The following GALNT7 variants were observed in gnomAD, a reference collection of about 807,000 sequenced individuals.
GALNT7 encodes the protein polypeptide N-acetylgalactosaminyltransferase 7.
GALNT7 carries 60 observed loss-of-function variants against 82.1 expected under a neutral mutation model. That is an observed-to-expected ratio of 0.73 (90% CI 0.59 to 0.91). GALNT7 has a LOEUF of 0.91. Ranked by LOEUF, GALNT7 falls within the 40% of genes least tolerant of loss-of-function variation. The pLI is 0.00. For missense variants in GALNT7, 660 were observed against 804.2 expected (o/e 0.82, Z 2.17); for synonymous variants, 243 against 275.1 (o/e 0.88, Z 1.15).
intron 1 of GALNT7, among the ~76,000 whole-genome samples, chr4:173,198,661 A>G (rs1311296790): frequency 6.6e-6 from 1 of 152,196 alleles, no homozygotes; most frequent in Non-Finnish European, 1.5e-5. Context: ...TGAAAACAAA[A>G]TCTTTATTTA....
chr4:173,176,263 A>T (rs1410181302), intron 1 of GALNT7, among the ~76,000 whole-genome samples: 1 of 152,126 alleles, frequency 6.6e-6, no homozygotes, highest in Non-Finnish European at 1.5e-5. Context: ...ATGAGGCTGG[A>T]GTATTTGAAG....
At chr4:173,287,597 C>T (rs949292887) in intron 2 of GALNT7, among the ~76,000 whole-genome samples, 8 of 152,242 alleles carry the variant, frequency 5.3e-5, no homozygotes, top group Non-Finnish European at 1.0e-4. Flanking sequence ...CCTTCACCCC[C>T]TTCCTCCCGT....
chr4:173,191,785 T>C (rs1732638069), intron 1 of GALNT7, among the ~76,000 whole-genome samples: 1 of 152,232 alleles, frequency 6.6e-6, no homozygotes, highest in African/African-American at 2.4e-5. Context: ...GAATCTATTA[T>C]TCATGAGTTT....
intron 1 of GALNT7, among the ~76,000 whole-genome samples, chr4:173,220,747 C>T (rs558242375): frequency 1.8e-4 from 27 of 148,730 alleles, no homozygotes; most frequent in African/African-American, 6.2e-4. Context: ...TGAGAATATG[C>T]GGTGTTTGGT....
At chr4:173,301,647 C>T (rs1025240690) in intron 6 of GALNT7, among the ~76,000 whole-genome samples, 3 of 152,174 alleles carry the variant, frequency 2.0e-5, no homozygotes, top group East Asian at 1.9e-4. Context: ...GTTTTGTTCA[C>T]CCAAGAATGA....
chr4:173,309,417 G>GT (rs1174652618), intron 8 of GALNT7, among the ~76,000 whole-genome samples: 28 of 152,322 alleles, frequency 1.8e-4, no homozygotes, highest in African/African-American at 6.5e-4. Context: ...ATCCAGCCAT[G>GT]TTGGGGTCTC....
intron 3 of GALNT7, among the ~76,000 whole-genome samples, chr4:173,294,753 A>G (rs1191453266): frequency 6.6e-6 from 1 of 152,190 alleles, no homozygotes; most frequent in Admixed American, 6.5e-5. Context: ...AACTTCCTCT[A>G]CTAAATTACA....
intron 2 of GALNT7, among the ~76,000 whole-genome samples, chr4:173,270,892 G>T (rs1025197923): frequency 2.0e-5 from 3 of 152,162 alleles, no homozygotes; most frequent in Non-Finnish European, 4.4e-5. Flanking sequence ...TGCATTCTGT[G>T]CAGGCTCCTG....
chr4:173,276,734 A>G (rs935718362), intron 2 of GALNT7, among the ~76,000 whole-genome samples: 2 of 152,164 alleles, frequency 1.3e-5, no homozygotes, highest in African/African-American at 4.8e-5. Context: ...ATTAAAACAG[A>G]TTCTGTGTTT....
rs553146989 is a variant in GALNT7, at chr4:173,173,480, C to T, written c.126+4519C>T. On this transcript the variant is annotated intron_variant, in intron 1 of 11. Transcript: ENST00000265000. ...GATCCATTAAAACAGCAGTCCCCCACCTTTTTAGCACCAGGGACTGGTTTT... is the reference window on the plus strand; with the variant it reads ...GATCCATTAAAACAGCAGTCCCCCATCTTTTTAGCACCAGGGACTGGTTTT... Among the ~76,000 whole-genome samples, 5 of 152,292 alleles carry T rather than the reference C, an allele frequency of 3.3e-5. No homozygotes were observed. In the South Asian group the frequency reaches 8.3e-4, roughly 25 times the overall value.
chr4:173,185,413 C>CA (rs33996293), intron 1 of GALNT7, among the ~76,000 whole-genome samples: 99,142 of 142,050 alleles, frequency 0.7, 34,829 homozygotes, highest in East Asian at 0.81. Flanking sequence ...CAATGAATCT[C>CA]AAAAAAAAAA....
chr4:173,308,263 C>A (rs780611935), intron 8 of GALNT7, among the ~76,000 whole-genome samples: 1 of 152,148 alleles, frequency 6.6e-6, no homozygotes, highest in Middle Eastern at 3.2e-3. Context: ...ACTTTGCCAT[C>A]TTGGTGACCT....
intron 5 of GALNT7, among the ~76,000 whole-genome samples, chr4:173,297,561 T>C (rs1351747663): frequency 1.3e-5 from 2 of 152,210 alleles, no homozygotes; most frequent in African/African-American, 4.8e-5. Context: ...CTCAGTGATA[T>C]AGTTCTTTGT....
intron 1 of GALNT7, among the ~76,000 whole-genome samples, chr4:173,236,053 CAGTT>C (rs1734219311): frequency 6.6e-6 from 1 of 152,194 alleles, no homozygotes; most frequent in African/African-American, 2.4e-5. Context: ...GTTAAACCAT[CAGTT>C]AGGCATTTGA....
intron 2 of GALNT7, among the ~76,000 whole-genome samples, chr4:173,288,442 G>T (rs1194280954): frequency 1.3e-5 from 2 of 151,908 alleles, no homozygotes; most frequent in African/African-American, 2.4e-5. Context: ...AGAGGTTTTC[G>T]ACAAACAGCC....
intron 1 of GALNT7, among the ~76,000 whole-genome samples, chr4:173,237,228 G>A (rs952715468): frequency 1.3e-5 from 2 of 152,106 alleles, no homozygotes; most frequent in African/African-American, 4.8e-5. Context: ...GCCAAGAGAA[G>A]GTTATCATAT....
chr4:173,304,085 G>T lies in GALNT7; in HGVS notation c.1356G>T (p.Pro452=), dbSNP rs150824797. ...TTGAGGGCTGGCAAGGAAATCCTCCGCCCATTTATGTTGGGTCTTCTCCAA... is the reference window on the plus strand; with the variant it reads ...TTGAGGGCTGGCAAGGAAATCCTCCTCCCATTTATGTTGGGTCTTCTCCAA... ...YRLEGWQGNP[P]PIYVGSSPTL... Residue 452 remains proline (P), a synonymous_variant, in exon 8 of 12, where the codon CCG becomes CCT. Coordinates refer to ENST00000265000, the MANE Select transcript of GALNT7 (RefSeq NM_017423.3). The T allele has an allele frequency of 6.2e-7, 1 of 1,613,302 alleles. No homozygotes were observed. The highest frequency in any genetic ancestry group is 8.5e-7 in the Non-Finnish European group (1 of 1,179,592).
chr4:173,234,288 G>A (rs978498058), intron 1 of GALNT7, among the ~76,000 whole-genome samples: 1 of 152,056 alleles, frequency 6.6e-6, no homozygotes, highest in Non-Finnish European at 1.5e-5. Flanking sequence ...TCCATCACTC[G>A]TCTTATTGGC....
intron 1 of GALNT7, among the ~76,000 whole-genome samples, chr4:173,241,209 TAAA>T (rs749363253): frequency 3.3e-5 from 2 of 60,214 alleles, no homozygotes; most frequent in African/African-American, 6.1e-5. Flanking sequence ...CATCTCTATT[TAAA>T]AAAAAAAAAA....
Sources: allele counts gnomAD v4.1 joint callset (sites outside exome capture counted in the v4.1 genomes callset), GRCh38; gene constraint gnomAD v4.1.1; transcripts MANE v1.5; gene names NCBI Gene and HGNC (gene_info 2026-07-23, HGNC 2026-07-21).